The following DCBLD2 variants were observed in gnomAD, a reference collection of about 807,000 sequenced individuals.
DCBLD2 encodes discoidin, CUB and LCCL domain-containing protein 2.
In DCBLD2, 54 loss-of-function variants were observed where a neutral mutation model predicts 86.8. The observed-to-expected ratio is 0.62, with a 90% CI of 0.50 to 0.78. The LOEUF (loss-of-function observed/expected upper bound fraction) is 0.78, where lower values mean the gene tolerates loss of function less well. DCBLD2 is among the 30% of genes least tolerant of loss of function. DCBLD2 has a pLI of 0.00. For synonymous variants in DCBLD2, 354 were observed against 341.3 expected, an observed-to-expected ratio of 1.04 and a Z score of -0.41; for missense variants, 908 against 954.2, an observed-to-expected ratio of 0.95 and a Z score of 0.64.
rs1377669902 is a variant in DCBLD2, at chr3:98,831,136, A to G, written c.572-5770T>C. 2.0e-5 allele frequency among the ~76,000 whole-genome samples: 3 copies of G among 147,742 alleles called. No homozygotes were observed. In the East Asian group the frequency reaches 5.9e-4, roughly 29 times the overall value. On this transcript the variant is annotated intron_variant, in intron 3 of 15. Transcript: ENST00000326840. ...GGCTGGAGTGCAGTGCAGTGGTGTG[A>G]TCTTGGCTCACTGCAACCTCCGCCT...
At chr3:98,873,114 A>G (rs77419978) in intron 2 of DCBLD2, among the ~76,000 whole-genome samples, 6,040 of 152,140 alleles carry the variant, frequency 0.04, 361 homozygotes, top group African/African-American at 0.14. Context: ...ACTAAAAAGT[A>G]ATATATGATG....
intron 3 of DCBLD2, among the ~76,000 whole-genome samples, chr3:98,842,862 TAA>T (rs1305688382): frequency 1.3e-5 from 2 of 152,172 alleles, no homozygotes; most frequent in Non-Finnish European, 2.9e-5. Flanking sequence ...AGGAAGCTAA[TAA>T]ATACATTAGT....
rs1318998887 is a variant in DCBLD2, at chr3:98,881,821, TATA to T, written c.206-57_206-55del. The T allele has an allele frequency of 2.6e-6, 4 of 1,525,556 alleles. No homozygotes were observed. The African/African-American group carries it at 5.6e-5, about 21-fold the overall frequency. The allele number at this position is 1,525,556 out of a possible 1,614,324, so 94.5% of individuals were successfully genotyped here. A position where few individuals can be genotyped will look rare whatever the true frequency, so the allele number is the denominator to read the frequency against. ...TTATTCTCACATATTTTACTTCCTCTATAATGATTTTTTTGTGAAGATTTAAAA... is the reference window on the plus strand; with the variant it reads ...TTATTCTCACATATTTTACTTCCTCTATGATTTTTTTGTGAAGATTTAAAA... On this transcript the variant is annotated intron_variant, in intron 1 of 15. Transcript: ENST00000326840.
At chr3:98,894,166 G>T (rs1943711476) in intron 1 of DCBLD2, among the ~76,000 whole-genome samples, 2 of 152,124 alleles carry the variant, frequency 1.3e-5, no homozygotes, top group South Asian at 4.1e-4. Flanking sequence ...GGTGAAAGAG[G>T]AAGCACCTGA....
intron 6 of DCBLD2, among the ~76,000 whole-genome samples, chr3:98,821,960 C>A (rs765452739): frequency 5.3e-5 from 8 of 152,254 alleles, no homozygotes; most frequent in Non-Finnish European, 1.0e-4. Flanking sequence ...ACCGGAGAAT[C>A]GCTTGAAACC....
chr3:98,847,655 G>A (rs1942751504), intron 3 of DCBLD2, among the ~76,000 whole-genome samples: 1 of 152,050 alleles, frequency 6.6e-6, no homozygotes, highest in Non-Finnish European at 1.5e-5. Flanking sequence ...AATTCCCAGT[G>A]CCCAGCATTC....
intron 2 of DCBLD2, among the ~76,000 whole-genome samples, chr3:98,874,870 C>A (rs1443529470): frequency 6.6e-6 from 1 of 152,312 alleles, no homozygotes; most frequent in South Asian, 2.1e-4. Context: ...AATTGCTTGG[C>A]ATCTTGATGT....
intron 13 of DCBLD2, among the ~76,000 whole-genome samples, chr3:98,807,391 G>A (rs1941860451): frequency 6.6e-6 from 1 of 152,138 alleles, no homozygotes; most frequent in Non-Finnish European, 1.5e-5. Flanking sequence ...TGGGATTGGT[G>A]CCCTTACAGG....
At chr3:98,866,612 T>G (rs546542804) in intron 2 of DCBLD2, among the ~76,000 whole-genome samples, 3 of 152,354 alleles carry the variant, frequency 2.0e-5, no homozygotes, top group African/African-American at 7.2e-5. Flanking sequence ...ATTAGCCCTT[T>G]GTCTGATGAG....
chr3:98,849,146 G>A (rs1373817346), intron 3 of DCBLD2, among the ~76,000 whole-genome samples: 9 of 143,136 alleles, frequency 6.3e-5, no homozygotes. Context: ...TCCAGCCTGG[G>A]CAACAAGAGC....
chr3:98,896,167 A>T (rs1048935483), intron 1 of DCBLD2, among the ~76,000 whole-genome samples: 5 of 152,252 alleles, frequency 3.3e-5, no homozygotes, highest in African/African-American at 1.2e-4. Flanking sequence ...ATGATGTTTT[A>T]GTAGCCCTTG....
chr3:98,835,678 T>C (rs906466417), intron 3 of DCBLD2, among the ~76,000 whole-genome samples: 3 of 147,616 alleles, frequency 2.0e-5, no homozygotes, highest in African/African-American at 7.4e-5. Flanking sequence ...GCCTCCCGAG[T>C]AGCTGGGACT....
At chr3:98,841,989 C>T (rs931730719) in intron 3 of DCBLD2, among the ~76,000 whole-genome samples, 5 of 152,250 alleles carry the variant, frequency 3.3e-5, no homozygotes, top group Non-Finnish European at 5.9e-5. Context: ...CGCTTGAACC[C>T]GAGAGGCGGA....
intron 1 of DCBLD2, among the ~76,000 whole-genome samples, chr3:98,894,114 T>C (rs936770341): frequency 4.6e-5 from 7 of 152,028 alleles, no homozygotes; most frequent in African/African-American, 1.7e-4. Context: ...GGTGCCTGAG[T>C]TGAGAAGAGA....
chr3:98,859,982 A>C (rs1204484244), intron 2 of DCBLD2, among the ~76,000 whole-genome samples: 1 of 152,214 alleles, frequency 6.6e-6, no homozygotes, highest in Non-Finnish European at 1.5e-5. Context: ...TTGAGAAAAG[A>C]TTAGACGAAT....
intron 2 of DCBLD2, among the ~76,000 whole-genome samples, chr3:98,876,518 A>G (rs1380760886): frequency 6.6e-6 from 1 of 151,444 alleles, no homozygotes. Context: ...TATACTGAGC[A>G]CTATTTATCA....
rs747016845 is a variant in DCBLD2 at position 98,808,047 on chromosome 3, G to C, written c.1670+34C>G. The C allele has an allele frequency of 2.0e-6, 3 of 1,466,792 alleles. No individual in the cohort carries two copies. The East Asian group carries it at 7.5e-5, about 37-fold the overall frequency. 90.9% of individuals were successfully genotyped at this position (1,466,792 alleles called of 1,614,324 possible). On this transcript the variant is annotated intron_variant, in intron 13 of 15. Coordinates refer to ENST00000326840, the MANE Select transcript of DCBLD2 (RefSeq NM_080927.4). ...TTTAGCTTCTACTTCACATTTGGTA[G>C]TTTTGGACTCAGGTGAACTAGTTAT...
intron 2 of DCBLD2, among the ~76,000 whole-genome samples, chr3:98,857,830 G>T (rs184549757): frequency 6.6e-6 from 1 of 152,358 alleles, no homozygotes; most frequent in African/African-American, 2.4e-5. Flanking sequence ...ACAGAGTGCC[G>T]ACTGGTGTAT....
chr3:98,807,648 C>T (rs1421047122), intron 13 of DCBLD2, among the ~76,000 whole-genome samples: 1 of 152,144 alleles, frequency 6.6e-6, no homozygotes, highest in Non-Finnish European at 1.5e-5. Context: ...AACTACAATT[C>T]CTTTAAGGCA....
Sources: allele counts gnomAD v4.1 joint callset (sites outside exome capture counted in the v4.1 genomes callset), GRCh38; gene constraint gnomAD v4.1.1; transcripts MANE v1.5; gene names NCBI Gene and HGNC (gene_info 2026-07-23, HGNC 2026-07-21).